The following PALD1 variants were observed in gnomAD, a reference collection of about 807,000 sequenced individuals.
PALD1 encodes the protein phosphatase domain containing paladin 1, also known as paladin.
In PALD1, 57 loss-of-function variants were observed where a neutral mutation model predicts 96.0. That is an observed-to-expected ratio of 0.59 (90% CI 0.48 to 0.74). The LOEUF (loss-of-function observed/expected upper bound fraction) is 0.74, where lower values mean the gene tolerates loss of function less well. Ranked by LOEUF, PALD1 falls within the 30% of genes least tolerant of loss-of-function variation. The pLI is 0.00. For missense variants in PALD1, 1,063 were observed against 1,143.7 expected, an observed-to-expected ratio of 0.93 and a Z score of 1.02; for synonymous variants, 464 against 473.6, an observed-to-expected ratio of 0.98 and a Z score of 0.26.
chr10:70,478,250 C>T (rs1387849462), upstream of PALD1, among the ~76,000 whole-genome samples: 6 of 152,220 alleles, frequency 3.9e-5, no homozygotes, highest in African/African-American at 1.2e-4. Flanking sequence ...CCCTTCGACA[C>T]GTGGGAGGCA....
At chr10:70,538,460 G>A (rs368850263) in intron 12 of PALD1, 52 bp downstream of exon 12, 69 of 1,569,188 alleles carry the variant, frequency 4.4e-5, no homozygotes, top group Non-Finnish European at 5.8e-5. Context: ...ACTGGCCCTG[G>A]CCCCTAAACA....
At chr10:70,545,492 A>T (rs897180551) in intron 17 of PALD1, among the ~76,000 whole-genome samples, 22 of 151,484 alleles carry the variant, frequency 1.5e-4, no homozygotes, top group African/African-American at 5.1e-4. Flanking sequence ...TTGGAGGGGA[A>T]CTCAGCACAG....
chr10:70,535,582 T>C, intron 10 of PALD1, among the ~76,000 whole-genome samples: 1 of 139,810 alleles, frequency 7.2e-6, no homozygotes, highest in Non-Finnish European at 1.5e-5. Context: ...TTCCTCCTCC[T>C]TCTTCCTCCT....
chr10:70,521,104 T>C (rs985756561), intron 1 of PALD1, among the ~76,000 whole-genome samples: 4 of 152,192 alleles, frequency 2.6e-5, no homozygotes, highest in African/African-American at 7.2e-5. Flanking sequence ...TTTAGCTGGA[T>C]ACTGAGGGCT....
intron 18 of PALD1, among the ~76,000 whole-genome samples, chr10:70,562,432 G>A (rs1847760108): frequency 6.6e-6 from 1 of 152,226 alleles, no homozygotes; most frequent in African/African-American, 2.4e-5. Context: ...TCTGATTCCT[G>A]GGACTGTGGA....
intron 4 of PALD1, 122 bp from the exon 5 acceptor site, chr10:70,531,168 A>T: frequency 1.3e-6 from 1 of 757,762 alleles, no homozygotes; most frequent in Non-Finnish European, 2.2e-6. Flanking sequence ...TTCAGGTTGC[A>T]GGGATGGTGT....
At chr10:70,564,974 C>T (rs1847815498) in intron 19 of PALD1, among the ~76,000 whole-genome samples, 1 of 152,216 alleles carries the variant, frequency 6.6e-6, no homozygotes. Flanking sequence ...CAGCCGTGAC[C>T]TTGGACCAGT....
In PALD1 at chr10:70,567,486, G is replaced by C. The variant is rs537670366; in HGVS notation, c.*753G>C. On this transcript the variant is annotated 3_prime_UTR_variant, in exon 20 of 20. Transcript: ENST00000263563. ...ACAGAGGAAGAGGCCTGCTCCACTT[G>C]TCTGGGAACCTGGGCAGGAGGCACA... 6.5e-6 allele frequency: 1 copy of C among 152,808 alleles called. No homozygotes were observed. Among genetic ancestry groups the C allele is most frequent in the African/African-American group, 2.4e-5 (1 of 41,456 alleles). The allele number at this position is 152,808 out of a possible 1,614,324, so 9.5% of individuals were successfully genotyped here. A position where few individuals can be genotyped will look rare whatever the true frequency, so the allele number is the denominator to read the frequency against.
intron 1 of PALD1, among the ~76,000 whole-genome samples, chr10:70,501,838 T>TGTGTGTGTGCAC (rs57837334): frequency 2.0e-5 from 3 of 150,446 alleles, no homozygotes; most frequent in East Asian, 2.0e-4. Context: ...TGTGTGTGCG[T>TGTGTGTGTGCAC]GCGTGCATGC....
intron 18 of PALD1, among the ~76,000 whole-genome samples, chr10:70,562,228 T>G (rs1339481641): frequency 5.3e-5 from 8 of 152,170 alleles, no homozygotes; most frequent in Non-Finnish European, 1.0e-4. Context: ...CCCTCGCCCC[T>G]CTTGGGCACA....
chr10:70,490,460 T>C (rs576041570), intron 1 of PALD1, among the ~76,000 whole-genome samples: 1 of 152,312 alleles, frequency 6.6e-6, no homozygotes, highest in Admixed American at 6.5e-5. Context: ...CAGGACTCCC[T>C]TTTGAAAAAC....
At chr10:70,476,839 C>T (rs562025159), upstream of PALD1, among the ~76,000 whole-genome samples, 6 of 152,180 alleles carry the variant, frequency 3.9e-5, no homozygotes, top group South Asian at 2.1e-4. Context: ...GGCACACCGC[C>T]GTGGATCCCA....
intron 7 of PALD1, among the ~76,000 whole-genome samples, 181 bp downstream of exon 7, chr10:70,533,251 C>T (rs765343857): frequency 5.9e-5 from 9 of 151,628 alleles, no homozygotes; most frequent in African/African-American, 1.2e-4. Flanking sequence ...TGTGTGTCAG[C>T]GCCTTTGTGT....
chr10:70,508,621 A>G, intron 1 of PALD1, among the ~76,000 whole-genome samples: 1 of 152,190 alleles, frequency 6.6e-6, no homozygotes, highest in East Asian at 1.9e-4. Flanking sequence ...TCCCAACGCC[A>G]CCACCCACTG....
chr10:70,546,052 C>A (rs933048907), intron 17 of PALD1, among the ~76,000 whole-genome samples: 1 of 146,136 alleles, frequency 6.8e-6, no homozygotes, highest in Non-Finnish European at 1.5e-5. Flanking sequence ...GCCTGGCCAA[C>A]ATGGTGAAAC....
chr10:70,527,292 C>T (rs997273812), intron 2 of PALD1, among the ~76,000 whole-genome samples: 1 of 152,174 alleles, frequency 6.6e-6, no homozygotes, highest in Non-Finnish European at 1.5e-5. Flanking sequence ...TGCTGACCAG[C>T]CGTAAAAATC....
intron 1 of PALD1, among the ~76,000 whole-genome samples, chr10:70,484,138 G>C (rs1589167642): frequency 6.6e-6 from 1 of 152,216 alleles, no homozygotes; most frequent in South Asian, 2.1e-4. Context: ...GAGTAGCTGG[G>C]ATTACAGGTG....
chr10:70,542,682 A>T (rs764102674), intron 17 of PALD1, among the ~76,000 whole-genome samples: 2 of 152,198 alleles, frequency 1.3e-5, no homozygotes, highest in Non-Finnish European at 2.9e-5. Context: ...TCCTCCATCA[A>T]GGGACACTAT....
chr10:70,541,285 G>A, intron 16 of PALD1, 43 bp downstream of exon 16: 2 of 1,577,490 alleles, frequency 1.3e-6, no homozygotes, highest in South Asian at 1.2e-5. Context: ...TTGCCTGGAG[G>A]AGGGTAGACA....
Sources: gnomAD v4.1 joint callset for allele counts (sites outside exome capture counted in the v4.1 genomes callset) on GRCh38, gnomAD v4.1.1 for gene constraint, MANE v1.5 for transcripts, NCBI Gene and HGNC (gene_info 2026-07-23, HGNC 2026-07-21) for gene names.